The following DENND5B variants were observed in gnomAD, a reference collection of about 807,000 sequenced individuals.
DENND5B encodes the protein DENN domain-containing protein 5B.
DENND5B carries 34 observed loss-of-function variants against 140.6 expected under a neutral mutation model. The observed-to-expected ratio is 0.24, with a 90% CI of 0.18 to 0.32. The LOEUF (loss-of-function observed/expected upper bound fraction) is 0.32, where lower values mean the gene tolerates loss of function less well. DENND5B is among the 10% of genes least tolerant of loss of function. DENND5B has a pLI of 1.00. For missense variants in DENND5B, 1,142 were observed against 1,560.2 expected (o/e 0.73, Z 4.52); for synonymous variants, 551 against 562.1 (o/e 0.98, Z 0.28).
intron 1 of DENND5B, among the ~76,000 whole-genome samples, chr12:31,564,554 T>C (rs897306784): frequency 2.2e-5 from 3 of 139,188 alleles, no homozygotes; most frequent in Non-Finnish European, 4.6e-5. Context: ...ACCCCTCTCT[T>C]TTCATTCTAT....
At chr12:31,571,675 T>A (rs946105315) in intron 1 of DENND5B, among the ~76,000 whole-genome samples, 2 of 152,130 alleles carry the variant, frequency 1.3e-5, no homozygotes, top group African/African-American at 4.8e-5. Flanking sequence ...TGGAGTGCCA[T>A]GGCACGTTCT....
At chr12:31,452,697 A>G (rs1230223898) in intron 4 of DENND5B, among the ~76,000 whole-genome samples, 1 of 152,152 alleles carries the variant, frequency 6.6e-6, no homozygotes, top group East Asian at 1.9e-4. Context: ...TATTACAAAC[A>G]AAAGCATAGA....
chr12:31,423,134 T>G (rs1943101181), intron 11 of DENND5B, among the ~76,000 whole-genome samples: 1 of 151,972 alleles, frequency 6.6e-6, no homozygotes, highest in Admixed American at 6.6e-5. Flanking sequence ...AGAGATGGGG[T>G]TTCACCGTGT....
In DENND5B at chr12:31,590,857, G is replaced by A. The variant is rs1950596997; in HGVS notation, c.-25C>T. On this transcript the variant is annotated 5_prime_UTR_variant, in exon 1 of 21. Coordinates refer to ENST00000389082, the MANE Select transcript of DENND5B (RefSeq NM_144973.4). The stretch of plus-strand genomic sequence containing the variant: ...TCCCGGCCGCGCTGCTCCAGGGGCC[G>A]CCGCCGCCGCCGCCCGGGAAGGCTT... 4 of 1,195,478 alleles carry A rather than the reference G, an allele frequency of 3.3e-6. No homozygotes were observed. Among genetic ancestry groups the A allele is most frequent in the Non-Finnish European group, 3.1e-6 (3 of 967,612 alleles). The allele number at this position is 1,195,478 out of a possible 1,614,324, so 74.1% of individuals were successfully genotyped here.
intron 6 of DENND5B, chr12:31,443,692 T>C (rs1944152372): frequency 1.3e-5 from 2 of 152,216 alleles, no homozygotes; most frequent in African/African-American, 4.8e-5. Context: ...TACTTCTTTA[T>C]ACAAAGACCT....
At chr12:31,571,518 G>A (rs573526651) in intron 1 of DENND5B, among the ~76,000 whole-genome samples, 13 of 151,622 alleles carry the variant, frequency 8.6e-5, no homozygotes, top group Non-Finnish European at 1.3e-4. Flanking sequence ...CAAGAACTAC[G>A]GATTTAATTT....
intron 5 of DENND5B, among the ~76,000 whole-genome samples, chr12:31,450,411 G>C (rs895837584): frequency 6.6e-6 from 1 of 152,136 alleles, no homozygotes; most frequent in Non-Finnish European, 1.5e-5. Context: ...CCAAGCTGGA[G>C]TGCAGTGGCA....
At chr12:31,433,649 T>C (rs1943616241) in intron 7 of DENND5B, among the ~76,000 whole-genome samples, 1 of 152,162 alleles carries the variant, frequency 6.6e-6, no homozygotes, top group Admixed American at 6.5e-5. Context: ...ACAAAGAATA[T>C]TCTCAAAACC....
In DENND5B at chr12:31,399,913, T is replaced by C; in HGVS notation, c.2950-141A>G. The C allele has an allele frequency of 1.4e-5, 8 of 585,106 alleles. No homozygotes were observed. The South Asian group carries it at 1.9e-4, about 14-fold the overall frequency. The allele number at this position is 585,106 out of a possible 1,614,324, so 36.2% of individuals were successfully genotyped here. A position where few individuals can be genotyped will look rare whatever the true frequency, so the allele number is the denominator to read the frequency against. On this transcript the variant is annotated intron_variant, in intron 15 of 20. Transcript: ENST00000389082. The stretch of plus-strand genomic sequence containing the variant: ...TGTATTCAGCTATGCACTAGAGAAA[T>C]ATATTCACATATATTCCTTGCTCTC...
intron 1 of DENND5B, among the ~76,000 whole-genome samples, chr12:31,560,717 T>C (rs1428512027): frequency 3.9e-5 from 6 of 152,194 alleles, no homozygotes; most frequent in African/African-American, 1.2e-4. Flanking sequence ...CTCCTGTGGC[T>C]TCCCCTTCTA....
intron 1 of DENND5B, among the ~76,000 whole-genome samples, chr12:31,564,474 A>T (rs16918744): frequency 0.011 from 1,723 of 152,074 alleles, 19 homozygotes; most frequent in East Asian, 0.031. Flanking sequence ...CTGGCTAACA[A>T]CATTTCTGAC....
At chr12:31,405,549 T>C (rs1179450132) in intron 14 of DENND5B, among the ~76,000 whole-genome samples, 1 of 151,724 alleles carries the variant, frequency 6.6e-6, no homozygotes, top group Non-Finnish European at 1.5e-5. Flanking sequence ...TATGTATGTA[T>C]GTATGTATGT....
intron 7 of DENND5B, among the ~76,000 whole-genome samples, chr12:31,436,756 A>G (rs1026165733): frequency 1.3e-5 from 2 of 151,598 alleles, no homozygotes; most frequent in African/African-American, 4.9e-5. Context: ...GCTGGTCTGG[A>G]ACTCCTGAGC....
intron 1 of DENND5B, among the ~76,000 whole-genome samples, chr12:31,572,864 C>G (rs531107329): frequency 4.6e-5 from 7 of 152,114 alleles, no homozygotes; most frequent in Non-Finnish European, 1.0e-4. Flanking sequence ...CCGAAATATA[C>G]CATTTTAGAA....
intron 2 of DENND5B, among the ~76,000 whole-genome samples, chr12:31,492,586 A>G (rs1021257729): frequency 6.6e-6 from 1 of 152,232 alleles, no homozygotes; most frequent in Admixed American, 6.5e-5. Flanking sequence ...TTCTCACAGA[A>G]TAAGTTATAT....
intron 1 of DENND5B, among the ~76,000 whole-genome samples, chr12:31,503,579 T>TGAAAA (rs1332070673): frequency 6.6e-6 from 1 of 152,136 alleles, no homozygotes; most frequent in African/African-American, 2.4e-5. Context: ...TGAAAATCAC[T>TGAAAA]TCCACAAAAT....
intron 8 of DENND5B, among the ~76,000 whole-genome samples, chr12:31,429,403 T>TTTA (rs775502388): frequency 6.6e-6 from 1 of 152,148 alleles, no homozygotes; most frequent in Non-Finnish European, 1.5e-5. Flanking sequence ...TTTTTATTTA[T>TTTA]TTATTATTAT....
rs538045439 is a variant in DENND5B at position 31,525,628 on chromosome 12, T to C, written c.128-29709A>G. On this transcript the variant is annotated intron_variant, in intron 1 of 20. Coordinates refer to ENST00000389082, the MANE Select transcript of DENND5B (RefSeq NM_144973.4). Reference sequence around the variant, plus strand: ...AACTCTGTGAATATATGCATAGCAATTGAATTGTTTGCTTTAAATGGTGCA... The same window carrying C: ...AACTCTGTGAATATATGCATAGCAACTGAATTGTTTGCTTTAAATGGTGCA... Among the ~76,000 whole-genome samples the C allele has an allele frequency of 1.2e-3, 183 of 152,346 alleles. 1 individual carries two copies. The highest frequency in any genetic ancestry group is 1.6e-3 in the Non-Finnish European group (111 of 68,040).
chr12:31,476,271 G>GT (rs1314547057), intron 3 of DENND5B, among the ~76,000 whole-genome samples: 1 of 151,308 alleles, frequency 6.6e-6, no homozygotes, highest in African/African-American at 2.4e-5. Context: ...ACTCTTGACT[G>GT]TATCATTTAA....
Sources: allele counts gnomAD v4.1 joint callset (sites outside exome capture counted in the v4.1 genomes callset), GRCh38; gene constraint gnomAD v4.1.1; transcripts MANE v1.5; gene names NCBI Gene and HGNC (gene_info 2026-07-23, HGNC 2026-07-21).